The following PCTP variants were observed in gnomAD, a reference collection of about 807,000 sequenced individuals.
PCTP encodes START domain-containing protein 2.
In PCTP, 27 loss-of-function variants were observed where a neutral mutation model predicts 31.0. The observed-to-expected ratio is 0.87, with a 90% CI of 0.64 to 1.20. The LOEUF (loss-of-function observed/expected upper bound fraction) is 1.20, where lower values mean the gene tolerates loss of function less well. Ranked by LOEUF, PCTP falls within the 50% of genes most tolerant of loss-of-function variation. The probability of loss-of-function intolerance (pLI) is 0.00; values close to 1 mark genes in which losing one functional copy is unlikely to be tolerated. For synonymous variants in PCTP, 108 were observed against 101.2 expected, an observed-to-expected ratio of 1.07 and a Z score of -0.40; for missense variants, 287 against 268.2, an observed-to-expected ratio of 1.07 and a Z score of -0.49.
chr17:55,810,403 C>T (rs1912711596), intron 3 of PCTP, among the ~76,000 whole-genome samples: 1 of 152,162 alleles, frequency 6.6e-6, no homozygotes, highest in Admixed American at 6.5e-5. Context: ...GGTTTCTGGG[C>T]CTAGCTGAAT....
intron 1 of PCTP, among the ~76,000 whole-genome samples, chr17:55,760,718 A>C (rs1011546004): frequency 1.3e-5 from 2 of 152,184 alleles, no homozygotes; most frequent in African/African-American, 4.8e-5. Flanking sequence ...ATCTAAAAAA[A>C]AATACTTCTT....
chr17:55,829,010 C>A (rs1905504438), intron 5 of PCTP, among the ~76,000 whole-genome samples: 1 of 151,988 alleles, frequency 6.6e-6, no homozygotes, highest in Non-Finnish European at 1.5e-5. Flanking sequence ...AACAAAGGAG[C>A]AGACACCTGT....
At position 55,817,240 on chromosome 17, in the gene PCTP, T is replaced by C. The variant is rs554255235; in HGVS notation, c.318-5521T>C. ...AATTGGCAAGGATTAAAACCAAGAG[T>C]CTTTTGGGGGTTGTTGGGTATTGTC... On this transcript the variant is annotated intron_variant, in intron 3 of 3. Transcript: ENST00000572536. Among the ~76,000 whole-genome samples the C allele has an allele frequency of 2.0e-5, 3 of 151,950 alleles. No individual in the cohort carries two copies. The South Asian group carries it at 6.2e-4, about 32-fold the overall frequency.
chr17:55,820,100 G>T (rs1180845636), intron 3 of PCTP, among the ~76,000 whole-genome samples: 3 of 152,072 alleles, frequency 2.0e-5, no homozygotes, highest in Admixed American at 2.0e-4. Flanking sequence ...TTTTTTTATG[G>T]ATTTGCCAAT....
chr17:55,774,739 T>G, intron 4 of PCTP, 53 bp from the exon 5 acceptor site: 1 of 1,412,768 alleles, frequency 7.1e-7, no homozygotes, highest in Non-Finnish European at 1.0e-6. Flanking sequence ...TTTGTTGCTA[T>G]ATTTTTCTGG....
chr17:55,789,470 A>G (rs1028474329), intron 3 of PCTP, among the ~76,000 whole-genome samples: 3 of 152,134 alleles, frequency 2.0e-5, no homozygotes, highest in Non-Finnish European at 4.4e-5. Context: ...TTTATTGCCA[A>G]TTCCTGTCTT....
chr17:55,751,120 G>T lies in PCTP; in HGVS notation c.17G>T (p.Gly6Val). Residue 6 changes from glycine to valine, a missense_variant, in exon 1 of 6, where the codon GGA becomes GTA. Gly to Val is a moderately radical substitution (Grantham distance 109). Transcript: ENST00000268896. MELAA[G>V]SFSEEQFWEA... ...TGCGGAAGGATGGAGCTGGCCGCCGGAAGCTTCTCGGAGGAGCAGTTCTGG... is the reference window on the plus strand; with the variant it reads ...TGCGGAAGGATGGAGCTGGCCGCCGTAAGCTTCTCGGAGGAGCAGTTCTGG... The T allele has an allele frequency of 6.5e-7, 1 of 1,542,208 alleles. No homozygotes were observed. Among genetic ancestry groups the T allele is most frequent in the African/African-American group, 1.4e-5 (1 of 72,704 alleles).
At chr17:55,827,874 T>G (rs34760261), downstream of PCTP, among the ~76,000 whole-genome samples, 16,089 of 152,226 alleles carry the variant, frequency 0.11, 1,199 homozygotes, top group East Asian at 0.39. Flanking sequence ...GCTTAGCTTA[T>G]CCCTCCCTGA....
chr17:55,779,509 G>A (rs528911948), downstream of PCTP, among the ~76,000 whole-genome samples: 5 of 152,260 alleles, frequency 3.3e-5, no homozygotes, highest in African/African-American at 1.2e-4. Context: ...TGGCTGGAGC[G>A]CTGACATGAA....
intron 3 of PCTP, among the ~76,000 whole-genome samples, chr17:55,819,750 T>C (rs1913052834): frequency 6.6e-6 from 1 of 152,072 alleles, no homozygotes; most frequent in Non-Finnish European, 1.5e-5. Flanking sequence ...CCTAAAAAAA[T>C]AGCTTACTAC....
chr17:55,817,144 G>A (rs1295628024), intron 3 of PCTP, among the ~76,000 whole-genome samples: 2 of 152,184 alleles, frequency 1.3e-5, no homozygotes, highest in Admixed American at 1.3e-4. Flanking sequence ...ATACCCAGTG[G>A]TTCAGCATTC....
intron 3 of PCTP, among the ~76,000 whole-genome samples, chr17:55,802,778 C>T (rs533120149): frequency 3.3e-4 from 50 of 152,234 alleles, no homozygotes; most frequent in South Asian, 2.1e-4. Context: ...TGGGCAAAAA[C>T]TGGAAGCATT....
chr17:55,849,669 A>C, the PCTP span, among the ~76,000 whole-genome samples: 1 of 152,128 alleles, frequency 6.6e-6, no homozygotes, highest in Admixed American at 6.5e-5. Context: ...CTAATTCTAC[A>C]CAATATCTTC....
At chr17:55,839,596 G>A (rs1905892318) in intron 5 of PCTP, among the ~76,000 whole-genome samples, 1 of 152,202 alleles carries the variant, frequency 6.6e-6, no homozygotes, top group African/African-American at 2.4e-5. Flanking sequence ...TGCAGGACGA[G>A]TGTCCTCATA....
chr17:55,760,510 AC>A (rs768658744), intron 1 of PCTP, among the ~76,000 whole-genome samples: 2 of 152,188 alleles, frequency 1.3e-5, no homozygotes, highest in Non-Finnish European at 2.9e-5. Context: ...GTTAGATTCT[AC>A]CCAGACGGTG....
At position 55,773,520 on chromosome 17, in the gene PCTP, T is replaced by A. The variant is rs1387679231; in HGVS notation, c.340-204T>A. ...TCACTCACAGGTAAGTAATACATGCTCTTTGGTGAGAATACTAGGTGGTGT... is the reference window on the plus strand; with the variant it reads ...TCACTCACAGGTAAGTAATACATGCACTTTGGTGAGAATACTAGGTGGTGT... On this transcript the variant is annotated intron_variant, in intron 3 of 5. Transcript: ENST00000268896. 9.4e-6 allele frequency: 5 copies of A among 531,022 alleles called. No individual in the cohort carries two copies. In the East Asian group the frequency reaches 1.5e-4, roughly 16 times the overall value. 32.9% of individuals were successfully genotyped at this position (531,022 alleles called of 1,614,324 possible).
At chr17:55,751,278 T>C (rs1159256766) in intron 1 of PCTP, 34 bp downstream of exon 1, 2 of 1,525,020 alleles carry the variant, frequency 1.3e-6, no homozygotes, top group Non-Finnish European at 1.8e-6. Context: ...CCGCGGGGCC[T>C]AGAATGCGCC....
chr17:55,768,481 G>A (rs988545553), intron 2 of PCTP, among the ~76,000 whole-genome samples: 5 of 152,210 alleles, frequency 3.3e-5, no homozygotes, highest in Admixed American at 6.5e-5. Flanking sequence ...ATCAGCATTA[G>A]TAAGGTCAGG....
chr17:55,782,266 C>T (rs1367788147), downstream of PCTP, among the ~76,000 whole-genome samples: 2 of 152,178 alleles, frequency 1.3e-5, no homozygotes, highest in Non-Finnish European at 2.9e-5. Context: ...AAACATTAAT[C>T]TTATCCTCAA....
Sources: gnomAD v4.1 joint callset for allele counts (sites outside exome capture counted in the v4.1 genomes callset) on GRCh38, gnomAD v4.1.1 for gene constraint, MANE v1.5 for transcripts, NCBI Gene and HGNC (gene_info 2026-07-23, HGNC 2026-07-21) for gene names.